SPOCK1: variants seen among roughly 807,000 people sequenced by gnomAD.
The protein encoded by SPOCK1 is SPARC (osteonectin), cwcv and kazal like domains proteoglycan 1, also known as testican-1.
A neutral mutation model predicts 55.3 loss-of-function variants in SPOCK1; 23 were observed. The observed-to-expected ratio is 0.42, with a 90% confidence interval of 0.30 to 0.59. SPOCK1 has a LOEUF of 0.59. Among genes scored for constraint, SPOCK1 ranks in the 20% least tolerant of loss-of-function variants. The probability of loss-of-function intolerance (pLI) is 0.22; values close to 1 mark genes in which losing one functional copy is unlikely to be tolerated. For synonymous variants in SPOCK1, 226 were observed against 221.0 expected, an observed-to-expected ratio of 1.02 and a Z score of -0.20; for missense variants, 499 against 552.5, an observed-to-expected ratio of 0.90 and a Z score of 0.97.
At chr5:137,368,458 C>G (rs1751123513) in intron 2 of SPOCK1, among the ~76,000 whole-genome samples, 1 of 152,070 alleles carries the variant, frequency 6.6e-6, no homozygotes, top group Admixed American at 6.6e-5. Flanking sequence ...AGAATGGGAG[C>G]TAACTAGGCA....
intron 2 of SPOCK1, among the ~76,000 whole-genome samples, chr5:137,268,805 G>A (rs1212145733): frequency 2.6e-5 from 4 of 152,174 alleles, no homozygotes; most frequent in East Asian, 1.9e-4. Flanking sequence ...CACATATAAT[G>A]GCAATGTGAA....
At chr5:136,998,232 T>A (rs1751083717) in intron 6 of SPOCK1, among the ~76,000 whole-genome samples, 1 of 152,236 alleles carries the variant, frequency 6.6e-6, no homozygotes, top group African/African-American at 2.4e-5. Flanking sequence ...CTCTCCTTAT[T>A]TTATACATGG....
At chr5:137,254,447 G>A (rs1249797503) in intron 3 of SPOCK1, among the ~76,000 whole-genome samples, 1 of 152,158 alleles carries the variant, frequency 6.6e-6, no homozygotes, top group East Asian at 1.9e-4. Flanking sequence ...CCTCTCCAAA[G>A]ATAGCTATCA....
chr5:137,281,758 G>C (rs1757169364), intron 2 of SPOCK1, among the ~76,000 whole-genome samples: 1 of 152,146 alleles, frequency 6.6e-6, no homozygotes, highest in African/African-American at 2.4e-5. Context: ...AAGGCACCCT[G>C]TCAGGGCTGC....
At chr5:137,097,623 C>T (rs1018408331) in intron 5 of SPOCK1, among the ~76,000 whole-genome samples, 1 of 152,194 alleles carries the variant, frequency 6.6e-6, no homozygotes, top group African/African-American at 2.4e-5. Context: ...AACATTCCCC[C>T]TTGCAATGCT....
chr5:137,219,089 C>T (rs1755796940), intron 3 of SPOCK1, among the ~76,000 whole-genome samples: 2 of 152,116 alleles, frequency 1.3e-5, no homozygotes, highest in Non-Finnish European at 2.9e-5. Flanking sequence ...GGAATCTCTC[C>T]AAATAGATGA....
intron 3 of SPOCK1, among the ~76,000 whole-genome samples, chr5:137,184,181 G>A (rs948792252): frequency 3.3e-5 from 5 of 152,176 alleles, no homozygotes; most frequent in African/African-American, 1.2e-4. Context: ...CTTTTGCAGT[G>A]AGCATCTGAG....
At chr5:137,456,734 G>A (rs1439686716) in intron 2 of SPOCK1, among the ~76,000 whole-genome samples, 6 of 152,322 alleles carry the variant, frequency 3.9e-5, no homozygotes, top group African/African-American at 1.2e-4. Context: ...TAGGGACTAT[G>A]ACAGAAGTCT....
At position 137,128,290 on chromosome 5, in the gene SPOCK1, C is replaced by T. The variant is rs149122836; in HGVS notation, c.347+12290G>A. Reference sequence around the variant, plus strand: ...GAAATAAATTTGTTTATAAGCTGCCCAGTCTATAGTATCGTCTTATAGCAA... The same window carrying T: ...GAAATAAATTTGTTTATAAGCTGCCTAGTCTATAGTATCGTCTTATAGCAA... On this transcript the variant is annotated intron_variant, in intron 4 of 10. Coordinates refer to ENST00000394945, the MANE Select transcript of SPOCK1 (RefSeq NM_004598.4). Among the ~76,000 whole-genome samples the T allele has an allele frequency of 1.6e-3, 251 of 152,330 alleles. 1 individual carries two copies. Among genetic ancestry groups the T allele is most frequent in the Middle Eastern group, 0.01 (3 of 294 alleles).
At chr5:137,343,427 C>A (rs1750482470) in intron 2 of SPOCK1, among the ~76,000 whole-genome samples, 1 of 152,206 alleles carries the variant, frequency 6.6e-6, no homozygotes, top group Non-Finnish European at 1.5e-5. Flanking sequence ...GATGTCCAAG[C>A]TCAACACTCC....
At chr5:137,209,631 C>T (rs1319796086) in intron 3 of SPOCK1, among the ~76,000 whole-genome samples, 2 of 152,228 alleles carry the variant, frequency 1.3e-5, no homozygotes, top group African/African-American at 4.8e-5. Context: ...ACTCTGCCTC[C>T]ATTATGGCCC....
At chr5:137,042,720 G>A (rs1354906119) in intron 6 of SPOCK1, among the ~76,000 whole-genome samples, 1 of 152,216 alleles carries the variant, frequency 6.6e-6, no homozygotes, top group African/African-American at 2.4e-5. Context: ...CCTACTGTTG[G>A]AGTGGAGAAT....
intron 9 of SPOCK1, 133 bp downstream of exon 9, chr5:136,985,006 GC>G: frequency 1.1e-6 from 1 of 901,084 alleles, no homozygotes; most frequent in Non-Finnish European, 1.8e-6. Flanking sequence ...GAAGAGCTCT[GC>G]CTGGGGTTAA....
rs148295307 is a variant in SPOCK1 at position 137,281,672 on chromosome 5, C to T, written c.187-14617G>A. 2.6e-3 allele frequency among the ~76,000 whole-genome samples: 394 copies of T among 152,302 alleles called. 1 individual carries two copies. Among genetic ancestry groups the T allele is most frequent in the Non-Finnish European group, 4.1e-3 (279 of 68,034 alleles). On this transcript the variant is annotated intron_variant, in intron 2 of 10. Transcript: ENST00000394945. The stretch of plus-strand genomic sequence containing the variant: ...CCTGCAAAAGATCCAAATTGTGGCT[C>T]GATTTGTTCAAGCATTCGGGGCTCA...
Position 136,977,779 on chromosome 5 carries a change from T to A in SPOCK1, c.*875A>T, listed in dbSNP as rs1181880302. 2.5e-6 allele frequency: 1 copy of A among 398,882 alleles called. No individual in the cohort carries two copies. Among genetic ancestry groups the A allele is most frequent in the Non-Finnish European group, 4.4e-6 (1 of 226,052 alleles). The allele number at this position is 398,882 out of a possible 1,614,324, so 24.7% of individuals were successfully genotyped here. On this transcript the variant is annotated 3_prime_UTR_variant, in exon 11 of 11. Transcript: ENST00000394945. ...CAGAGGCTTTCAGTAACTCTGCTGA[T>A]GCACAGAGAAGAGACTTCCTCAGCC...
At chr5:137,260,097 C>T (rs1756718522) in intron 3 of SPOCK1, among the ~76,000 whole-genome samples, 1 of 152,154 alleles carries the variant, frequency 6.6e-6, no homozygotes, top group Non-Finnish European at 1.5e-5. Flanking sequence ...CTCATCTACC[C>T]TTTTTATTTC....
chr5:137,069,965 G>C (rs538573117), intron 5 of SPOCK1, among the ~76,000 whole-genome samples: 8 of 152,228 alleles, frequency 5.3e-5, no homozygotes, highest in South Asian at 2.1e-4. Flanking sequence ...TTCTCTCTCT[G>C]AGAGAGGAAT....
chr5:137,025,205 C>T (rs1162579932), intron 6 of SPOCK1, among the ~76,000 whole-genome samples: 1 of 152,110 alleles, frequency 6.6e-6, no homozygotes, highest in African/African-American at 2.4e-5. Flanking sequence ...TTATAGTCAA[C>T]GATAATGTAT....
intron 2 of SPOCK1, among the ~76,000 whole-genome samples, chr5:137,387,866 A>G (rs528303904): frequency 0.014 from 2,147 of 152,338 alleles, 44 homozygotes; most frequent in African/African-American, 0.048. Flanking sequence ...ACTGCTAAAA[A>G]AAAAAATAAA....
Sources: allele counts gnomAD v4.1 joint callset (sites outside exome capture counted in the v4.1 genomes callset), GRCh38; gene constraint gnomAD v4.1.1; transcripts MANE v1.5; gene names NCBI Gene and HGNC (gene_info 2026-07-23, HGNC 2026-07-21).